DCAF7: variants seen among roughly 807,000 people sequenced by gnomAD.
DCAF7 encodes the protein DDB1- and CUL4-associated factor 7.
Under a neutral mutation model 41.2 loss-of-function variants are expected in DCAF7, and 4 were observed. The ratio of observed to expected loss-of-function variants is 0.10; its 90% CI spans 0.05 to 0.22. The LOEUF is 0.22. Ranked by LOEUF, DCAF7 falls within the 10% of genes least tolerant of loss-of-function variation. The pLI, the probability that DCAF7 is intolerant of heterozygous loss-of-function variation, is 1.00. For synonymous variants in DCAF7, 143 were observed against 164.2 expected (o/e 0.87, Z 0.99); for missense variants, 131 against 443.2 (o/e 0.30, Z 6.32).
rs1211025258 is a variant in DCAF7 at position 63,589,778 on chromosome 17, G to A, written c.*606G>A. The A allele has an allele frequency of 6.0e-6, 1 of 166,360 alleles. No individual in the cohort carries two copies. The highest frequency in any genetic ancestry group is 1.3e-5 in the Non-Finnish European group (1 of 76,706). 10.3% of individuals were successfully genotyped at this position (166,360 alleles called of 1,614,324 possible). ...CCCTCAGTGCCTGGAGCTGGTACTG[G>A]GCCCCTGGCCCCATGAGCAGTTTGC... On this transcript the variant is annotated 3_prime_UTR_variant, in exon 7 of 7. Transcript: ENST00000614556.
intron 1 of DCAF7, among the ~76,000 whole-genome samples, chr17:63,563,994 G>A (rs2033412186): frequency 6.6e-6 from 1 of 152,044 alleles, no homozygotes; most frequent in African/African-American, 2.4e-5. Context: ...CATAGCCTTG[G>A]CTCTAGAATT....
chr17:63,550,668 C>G lies in DCAF7; in HGVS notation c.-10C>G. 1 of 1,613,034 alleles carries G rather than the reference C, an allele frequency of 6.2e-7. No individual in the cohort carries two copies. The highest frequency in any genetic ancestry group is 1.1e-5 in the South Asian group (1 of 91,084). On this transcript the variant is annotated 5_prime_UTR_variant, in exon 1 of 7. Transcript: ENST00000614556. The surrounding 1 kb of genome is among the most constrained non-coding windows in gnomAD (Gnocchi z 4.8). ...GTTGACCCGGCCCGTACTGCGGCCCCGTGGCCACCATGTCCCTGCACGGCA... is the reference window on the plus strand; with the variant it reads ...GTTGACCCGGCCCGTACTGCGGCCCGGTGGCCACCATGTCCCTGCACGGCA...
intron 1 of DCAF7, among the ~76,000 whole-genome samples, chr17:63,573,723 T>C (rs60281592): frequency 0.019 from 2,762 of 145,734 alleles, 71 homozygotes; most frequent in African/African-American, 0.067. Context: ...AGAGTGAAAA[T>C]CCGTCTCAAA....
chr17:63,565,342 A>G (rs1442789335), intron 1 of DCAF7, among the ~76,000 whole-genome samples: 1 of 152,088 alleles, frequency 6.6e-6, no homozygotes, highest in Non-Finnish European at 1.5e-5. Context: ...TGGGAGGCTG[A>G]GGTGGGCGGA....
At chr17:63,568,289 C>T (rs1228225516) in intron 1 of DCAF7, among the ~76,000 whole-genome samples, 1 of 152,168 alleles carries the variant, frequency 6.6e-6, no homozygotes, top group Non-Finnish European at 1.5e-5. Flanking sequence ...GAGTGAGCCA[C>T]CGTGCCCAGG....
chr17:63,570,403 G>A (rs1200357426), intron 1 of DCAF7, among the ~76,000 whole-genome samples: 4 of 151,848 alleles, frequency 2.6e-5, no homozygotes. Flanking sequence ...GCAGTGAGCT[G>A]AGATTGCGCC....
intron 6 of DCAF7, among the ~76,000 whole-genome samples, chr17:63,588,531 A>G (rs73333810): frequency 0.014 from 2,024 of 148,670 alleles, 50 homozygotes; most frequent in African/African-American, 0.049. Flanking sequence ...TATCAGCACT[A>G]CTTTATCAGT....
intron 5 of DCAF7, among the ~76,000 whole-genome samples, chr17:63,584,294 C>T (rs1318598176): frequency 1.3e-5 from 2 of 152,190 alleles, no homozygotes; most frequent in Admixed American, 6.5e-5. Context: ...ATGGCGAAAC[C>T]TCGTCTCTAC....
intron 1 of DCAF7, among the ~76,000 whole-genome samples, chr17:63,571,677 TAA>T (rs2033508297): frequency 6.6e-6 from 1 of 152,084 alleles, no homozygotes; most frequent in Non-Finnish European, 1.5e-5. Flanking sequence ...ATTAAAAATT[TAA>T]GTCATTACCT....
At chr17:63,575,680 T>A (rs190889682) in intron 1 of DCAF7, among the ~76,000 whole-genome samples, 1 of 152,096 alleles carries the variant, frequency 6.6e-6, no homozygotes, top group Non-Finnish European at 1.5e-5. Context: ...AGAGCGAGAC[T>A]CTGTCTGAAA....
At chr17:63,570,127 G>A (rs965247488) in intron 1 of DCAF7, among the ~76,000 whole-genome samples, 9 of 152,094 alleles carry the variant, frequency 5.9e-5, no homozygotes, top group Non-Finnish European at 2.9e-5. Context: ...TCATTACAGG[G>A]ATGTTGGTCA....
At position 63,593,187 on chromosome 17, in the gene DCAF7, T is replaced by G. The variant is rs2033752041; in HGVS notation, c.*4015T>G. 6.5e-6 allele frequency: 1 copy of G among 152,774 alleles called. No homozygotes were observed. Among genetic ancestry groups the G allele is most frequent in the African/African-American group, 2.4e-5 (1 of 41,464 alleles). The allele number at this position is 152,774 out of a possible 1,614,324, so 9.5% of individuals were successfully genotyped here. The stretch of plus-strand genomic sequence containing the variant: ...GAAGAAGGAAGATCATGCTTGATAC[T>G]TAGATTGGTTTTCCCAGGGAAGAGG... On this transcript the variant is annotated 3_prime_UTR_variant, in exon 7 of 7. Coordinates refer to ENST00000614556, the MANE Select transcript of DCAF7 (RefSeq NM_005828.5).
chr17:63,565,597 A>G (rs1268563720), intron 1 of DCAF7, among the ~76,000 whole-genome samples: 1 of 152,012 alleles, frequency 6.6e-6, no homozygotes, highest in Non-Finnish European at 1.5e-5. Context: ...TAATAATAAA[A>G]TGGAGCTTTG....
At chr17:63,584,367 C>T (rs150916159) in intron 5 of DCAF7, among the ~76,000 whole-genome samples, 2,163 of 152,108 alleles carry the variant, frequency 0.014, 53 homozygotes, top group African/African-American at 0.05. Context: ...ATTCGGGAGG[C>T]TGAGGCAAGA....
intron 5 of DCAF7, 147 bp downstream of exon 5, chr17:63,583,858 G>A: frequency 1.2e-6 from 1 of 821,450 alleles, no homozygotes; most frequent in Admixed American, 2.1e-5. Context: ...CACAGCTCTA[G>A]AGACGCAGTT....
At chr17:63,571,248 A>G (rs1291086998) in intron 1 of DCAF7, among the ~76,000 whole-genome samples, 2 of 152,118 alleles carry the variant, frequency 1.3e-5, no homozygotes, top group Non-Finnish European at 2.9e-5. Flanking sequence ...AGAATAGTAT[A>G]ATTATATTTA....
intron 1 of DCAF7, among the ~76,000 whole-genome samples, chr17:63,554,482 T>C (rs1024825375): frequency 6.6e-6 from 1 of 152,246 alleles, no homozygotes; most frequent in Non-Finnish European, 1.5e-5. Context: ...ATGTGATCTT[T>C]TTGTGTCTGC....
At chr17:63,571,725 A>C (rs1265523039) in intron 1 of DCAF7, among the ~76,000 whole-genome samples, 1 of 152,090 alleles carries the variant, frequency 6.6e-6, no homozygotes, top group Non-Finnish European at 1.5e-5. Flanking sequence ...GGAAAGATCG[A>C]ATCTCAGCTA....
chr17:63,589,450 A>G lies in DCAF7; in HGVS notation c.*278A>G. The G allele has an allele frequency of 4.3e-6, 2 of 466,260 alleles. No individual in the cohort carries two copies. The highest frequency in any genetic ancestry group is 8.0e-6 in the Non-Finnish European group (2 of 249,934). 28.9% of individuals were successfully genotyped at this position (466,260 alleles called of 1,614,324 possible). A position where few individuals can be genotyped will look rare whatever the true frequency, so the allele number is the denominator to read the frequency against. ...GGTTCCTCAATTAAAAAATGTGTGT[A>G]TATTTGTTTGTCAGGCGTTGTGTTG... is the stretch of plus-strand genomic sequence containing the variant. On this transcript the variant is annotated 3_prime_UTR_variant, in exon 7 of 7. Transcript: ENST00000614556.
Sources: gnomAD v4.1 joint callset for allele counts (sites outside exome capture counted in the v4.1 genomes callset) on GRCh38, gnomAD v4.1.1 for gene constraint, Gnocchi (gnomAD v3.1) non-coding constraint, MANE v1.5 for transcripts, NCBI Gene and HGNC (gene_info 2026-07-23, HGNC 2026-07-21) for gene names.